The following LRBA variants were observed in gnomAD, a reference collection of about 807,000 sequenced individuals.
LRBA encodes the protein lipopolysaccharide-responsive and beige-like anchor protein.
LRBA carries 176 observed loss-of-function variants against 330.0 expected under a neutral mutation model. That is an observed-to-expected ratio of 0.53 (90% CI 0.47 to 0.60). LRBA has a LOEUF of 0.60. LRBA is among the 20% of genes least tolerant of loss of function. The probability of loss-of-function intolerance (pLI) is 0.00; values close to 1 mark genes in which losing one functional copy is unlikely to be tolerated. For missense variants in LRBA, 3,259 were observed against 3,444.8 expected (o/e 0.95, Z 1.35); for synonymous variants, 1,230 against 1,193.0 (o/e 1.03, Z -0.64).
At chr4:150,987,604 G>A (rs934881491) in intron 2 of LRBA, among the ~76,000 whole-genome samples, 1 of 152,126 alleles carries the variant, frequency 6.6e-6, no homozygotes, top group African/African-American at 2.4e-5. Flanking sequence ...TACTCTGCAG[G>A]CTGAGACAGG....
intron 22 of LRBA, among the ~76,000 whole-genome samples, chr4:150,867,112 T>TAAA (rs202028551): frequency 6.4e-4 from 78 of 122,744 alleles, no homozygotes; most frequent in African/African-American, 2.1e-3. Context: ...TGGCTTAATT[T>TAAA]AAAAAAAAAA....
At chr4:150,327,227 C>T (rs763526337) in intron 48 of LRBA, among the ~76,000 whole-genome samples, 1 of 151,866 alleles carries the variant, frequency 6.6e-6, no homozygotes, top group Non-Finnish European at 1.5e-5. Context: ...AGTTCAAGAA[C>T]GGCCTACATA....
intron 36 of LRBA, among the ~76,000 whole-genome samples, chr4:150,692,529 T>C (rs1009692499): frequency 7.9e-5 from 12 of 152,222 alleles, no homozygotes; most frequent in African/African-American, 2.9e-4. Flanking sequence ...AAGAAGTTTT[T>C]AAAAAGTGGA....
intron 47 of LRBA, among the ~76,000 whole-genome samples, chr4:150,364,725 T>C (rs1333118279): frequency 1.3e-5 from 2 of 152,164 alleles, no homozygotes; most frequent in Non-Finnish European, 2.9e-5. Context: ...TTAAAACCAA[T>C]ACTTTCAACT....
chr4:150,852,716 T>C lies in LRBA; in HGVS notation c.2994A>G (p.Thr998=), dbSNP rs1359817640. Residue 998 remains threonine (T), a synonymous_variant, in exon 23 of 57, where the codon ACA becomes ACG. Transcript: ENST00000651943. ...NGNENSSIEK[T]SSLESASNIE... ...TATTAGATGCAGATTCTAGTGAACTTGTCTTCTCTATACTTGAATTTTCAT... is the reference window on the plus strand; with the variant it reads ...TATTAGATGCAGATTCTAGTGAACTCGTCTTCTCTATACTTGAATTTTCAT... The C allele has an allele frequency of 9.9e-6, 16 of 1,613,752 alleles. No homozygotes were observed. Among genetic ancestry groups the C allele is most frequent in the Admixed American group, 3.3e-5 (2 of 59,982 alleles).
Position 150,674,787 on chromosome 4 carries a change from G to A in LRBA, c.5921+8764C>T, listed in dbSNP as rs145816484. Among the ~76,000 whole-genome samples, 24 of 152,110 alleles carry A rather than the reference G, an allele frequency of 1.6e-4. No individual in the cohort carries two copies. The East Asian group carries it at 4.3e-3, about 27-fold the overall frequency. ...CTACTTGGGAGGCTGAAGGAGGAGG[G>A]CTGCTTGAGCCCTGGAGGTCAGGGC... On this transcript the variant is annotated intron_variant, in intron 37 of 56. Transcript: ENST00000651943.
intron 2 of LRBA, among the ~76,000 whole-genome samples, chr4:150,999,451 G>A (rs1439218045): frequency 6.6e-6 from 1 of 151,132 alleles, no homozygotes; most frequent in African/African-American, 2.4e-5. Context: ...TAATTCTATA[G>A]AGATAAGGTC....
chr4:150,984,541 A>G (rs918027008), intron 2 of LRBA, among the ~76,000 whole-genome samples: 2 of 152,216 alleles, frequency 1.3e-5, no homozygotes, highest in African/African-American at 2.4e-5. Flanking sequence ...ATTTGATAGC[A>G]TATCTAATAT....
At chr4:150,316,463 T>C (rs1425932871) in intron 50 of LRBA, among the ~76,000 whole-genome samples, 1 of 152,164 alleles carries the variant, frequency 6.6e-6, no homozygotes, top group Non-Finnish European at 1.5e-5. Flanking sequence ...TGATGCAACC[T>C]TGTGCAAATC....
chr4:151,006,934 C>T (rs1394900144), intron 2 of LRBA, among the ~76,000 whole-genome samples: 2 of 152,006 alleles, frequency 1.3e-5, no homozygotes, highest in African/African-American at 4.8e-5. Context: ...TGCTTTTTTA[C>T]AAAAATTGAT....
intron 2 of LRBA, among the ~76,000 whole-genome samples, chr4:150,963,681 G>T (rs915677778): frequency 6.9e-5 from 10 of 144,498 alleles, no homozygotes; most frequent in Non-Finnish European, 1.0e-4. Flanking sequence ...CTGCCTGGCC[G>T]CCCAGTCCGG....
intron 34 of LRBA, among the ~76,000 whole-genome samples, chr4:150,777,446 A>G (rs1033988593): frequency 6.6e-6 from 1 of 152,174 alleles, no homozygotes; most frequent in Admixed American, 6.5e-5. Context: ...TTATAAAAAT[A>G]TAAAAATTTA....
intron 54 of LRBA, among the ~76,000 whole-genome samples, chr4:150,284,141 T>C (rs751627882): frequency 5.9e-5 from 9 of 152,126 alleles, no homozygotes; most frequent in Non-Finnish European, 8.8e-5. Flanking sequence ...ACTGTAGATA[T>C]GCAGCCAGGA....
At position 150,941,894 on chromosome 4, in the gene LRBA, AT is replaced by A. The variant is rs1213932626; in HGVS notation, c.217-12830del. ...ACTCTGTCTCAAAAAAAAAAAAAAA[AT>A]TCTTAGTAATATTTGTCTCTACTGG... On this transcript the variant is annotated intron_variant, in intron 2 of 56. Coordinates refer to ENST00000651943, the MANE Select transcript of LRBA (RefSeq NM_001364905.1). Among the ~76,000 whole-genome samples the A allele has an allele frequency of 1.3e-5, 2 of 151,962 alleles. 1 individual carries two copies. The highest frequency in any genetic ancestry group is 2.9e-5 in the Non-Finnish European group (2 of 67,972).
intron 17 of LRBA, among the ~76,000 whole-genome samples, chr4:150,883,367 G>A (rs779391318): frequency 4.6e-5 from 7 of 152,106 alleles, no homozygotes; most frequent in Non-Finnish European, 4.4e-5. Context: ...GGCTGAGGCA[G>A]GACAATCACT....
intron 29 of LRBA, among the ~76,000 whole-genome samples, chr4:150,829,968 C>T (rs1746917939): frequency 6.6e-6 from 1 of 152,158 alleles, no homozygotes; most frequent in Non-Finnish European, 1.5e-5. Context: ...AAATGCACAC[C>T]TAATGTTTTA....
At chr4:150,360,790 T>C (rs1315002612) in intron 47 of LRBA, among the ~76,000 whole-genome samples, 1 of 152,212 alleles carries the variant, frequency 6.6e-6, no homozygotes, top group South Asian at 2.1e-4. Flanking sequence ...ATGTAACATC[T>C]TCAAGTGTGA....
intron 42 of LRBA, among the ~76,000 whole-genome samples, chr4:150,477,088 G>T (rs1756799397): frequency 1.3e-5 from 2 of 152,258 alleles, no homozygotes; most frequent in African/African-American, 4.8e-5. Context: ...GGTCCTGCTT[G>T]CCAAGTAAAG....
At chr4:150,530,533 A>G (rs1763951510) in intron 40 of LRBA, among the ~76,000 whole-genome samples, 1 of 152,046 alleles carries the variant, frequency 6.6e-6, no homozygotes, top group South Asian at 2.1e-4. Flanking sequence ...AGCTCCCTCA[A>G]CTCTCTCAGT....
Sources: gnomAD v4.1 joint callset for allele counts (sites outside exome capture counted in the v4.1 genomes callset) on GRCh38, gnomAD v4.1.1 for gene constraint, MANE v1.5 for transcripts, NCBI Gene and HGNC (gene_info 2026-07-23, HGNC 2026-07-21) for gene names.